Variants in UHRF2 observed in about 807,000 individuals in gnomAD.
UHRF2 encodes ubiquitin like with PHD and ring finger domains 2, also known as E3 ubiquitin-protein ligase UHRF2.
UHRF2 carries 23 observed loss-of-function variants against 96.8 expected under a neutral mutation model. That is an observed-to-expected ratio of 0.24 (90% CI 0.17 to 0.34). The LOEUF (loss-of-function observed/expected upper bound fraction) is 0.34. Ranked by LOEUF, UHRF2 falls within the 10% of genes least tolerant of loss-of-function variation. The probability of loss-of-function intolerance (pLI) is 1.00; values close to 1 mark genes in which losing one functional copy is unlikely to be tolerated. For missense variants in UHRF2, 685 were observed against 981.5 expected (o/e 0.70, Z 4.04); for synonymous variants, 385 against 332.6 (o/e 1.16, Z -1.72).
intron 4 of UHRF2, 88 bp downstream of exon 4, chr9:6,460,879 A>G: frequency 9.6e-7 from 1 of 1,046,116 alleles, no homozygotes; most frequent in Non-Finnish European, 1.3e-6. Flanking sequence ...CCTTAGTAAA[A>G]AAAGATGGAG....
intron 4 of UHRF2, among the ~76,000 whole-genome samples, chr9:6,471,248 C>G (rs1823222686): frequency 6.6e-6 from 1 of 152,192 alleles, no homozygotes; most frequent in African/African-American, 2.4e-5. Context: ...TGGAAAGCTT[C>G]AAGACCTGTG....
rs1819405699 is a variant in UHRF2, at chr9:6,413,438, C to A, written c.-53C>A. On this transcript the variant is annotated 5_prime_UTR_variant, in exon 1 of 16. Transcript: ENST00000276893. The stretch of plus-strand genomic sequence containing the variant: ...GCGGCGCGGGCCGGGCGGGGCGCGG[C>A]GCCCAGAGCTCAGGGGGAGACAAAG... 2.3e-6 allele frequency: 3 copies of A among 1,323,292 alleles called. No individual in the cohort carries two copies. Among genetic ancestry groups the A allele is most frequent in the Non-Finnish European group, 2.0e-6 (2 of 1,024,608 alleles). 82.0% of individuals were successfully genotyped at this position (1,323,292 alleles called of 1,614,324 possible). A position where few individuals can be genotyped will look rare whatever the true frequency, so the allele number is the denominator to read the frequency against.
chr9:6,493,789 G>A, intron 9 of UHRF2, 37 bp from the exon 10 acceptor site: 1 of 1,551,682 alleles, frequency 6.4e-7, no homozygotes, highest in South Asian at 1.2e-5. Context: ...TTATACTTGG[G>A]TTTAGCTTTC....
chr9:6,473,480 A>C lies in UHRF2; in HGVS notation c.864-1911A>C, dbSNP rs555862182. Among the ~76,000 whole-genome samples, 3 of 152,340 alleles carry C rather than the reference A, an allele frequency of 2.0e-5. No homozygotes were observed. The East Asian group carries it at 5.8e-4, about 29-fold the overall frequency. On this transcript the variant is annotated intron_variant, in intron 4 of 15. Transcript: ENST00000276893. ...AAGGAATGATAGAATGGGAATATCA[A>C]CATTTTCTAATCCCCAAAGAATTAA...
intron 2 of UHRF2, among the ~76,000 whole-genome samples, chr9:6,422,095 A>G (rs1402984982): frequency 1.3e-5 from 2 of 152,286 alleles, no homozygotes; most frequent in Non-Finnish European, 2.9e-5. Context: ...AAGAATTTCT[A>G]CCTAGGAATA....
Position 6,421,009 on chromosome 9 carries a change from C to G in UHRF2, c.251C>G (p.Ser84Cys), listed in dbSNP as rs2130721484. Reference sequence around the variant, plus strand: ...GACCCTGATCATCTTCCTGGCACATCTACACAGATTGAGGCTAAACCCTGT... The same window carrying G: ...GACCCTGATCATCTTCCTGGCACATGTACACAGATTGAGGCTAAACCCTGT... ...RPDPDHLPGTSTQIEAKPCSN... is the reference protein window; with the variant it reads ...RPDPDHLPGTCTQIEAKPCSN... The change falls in exon 2 of 16, where the codon TCT becomes TGT. Residue 84 changes from serine to cysteine, a missense_variant. By Grantham distance (112) the Ser-to-Cys change is moderately radical. Coordinates refer to ENST00000276893, the MANE Select transcript of UHRF2 (RefSeq NM_152896.3). 1 of 1,614,146 alleles carries G rather than the reference C, an allele frequency of 6.2e-7. No homozygotes were observed. Among genetic ancestry groups the G allele is most frequent in the Non-Finnish European group, 8.5e-7 (1 of 1,179,996 alleles).
chr9:6,477,717 A>C lies in UHRF2; in HGVS notation c.1069A>C (p.Asn357His). The change falls in exon 6 of 16, where the codon AAC becomes CAC. Residue 357 changes from asparagine (N) to histidine (H), a missense_variant. Coordinates refer to ENST00000276893, the MANE Select transcript of UHRF2 (RefSeq NM_152896.3). ...TGTATGTGGTGGGAAACATGAACCC[A>C]ACATGCAGCTTCTGTGTGATGAATG... ...CRVCGGKHEPNMQLLCDECNV... is the reference protein window; with the variant it reads ...CRVCGGKHEPHMQLLCDECNV... 1 of 1,614,144 alleles carries C rather than the reference A, an allele frequency of 6.2e-7. No individual in the cohort carries two copies. The highest frequency in any genetic ancestry group is 8.5e-7 in the Non-Finnish European group (1 of 1,179,992).
intron 3 of UHRF2, among the ~76,000 whole-genome samples, chr9:6,453,704 A>T (rs1167695621): frequency 6.6e-6 from 1 of 152,136 alleles, no homozygotes; most frequent in Non-Finnish European, 1.5e-5. Context: ...GGAGATTGAG[A>T]CCATCCTGGC....
In UHRF2 at chr9:6,482,038, C is replaced by G; in HGVS notation, c.1331C>G (p.Ser444Cys). 6.2e-7 allele frequency: 1 copy of G among 1,613,966 alleles called. No individual in the cohort carries two copies. The stretch of plus-strand genomic sequence containing the variant: ...ACGAGAGAATGTACTATTGTCCCTT[C>G]TAATCATTATGGACCCATTCCTGGT... ...GRTRECTIVP[S>C]NHYGPIPGIP... Residue 444 changes from serine (S) to cysteine (C), a missense_variant, in exon 8 of 16, where the codon TCT becomes TGT. Ser to Cys is a moderately radical substitution (Grantham distance 112). Coordinates refer to ENST00000276893, the MANE Select transcript of UHRF2 (RefSeq NM_152896.3).
chr9:6,487,522 G>A lies in UHRF2; in HGVS notation c.1497+597G>A, dbSNP rs150678664. 4.4e-3 allele frequency among the ~76,000 whole-genome samples: 663 copies of A among 152,214 alleles called. 23 individuals carry two copies. The highest frequency in any genetic ancestry group is 1.3e-3 in the Non-Finnish European group (87 of 68,010). ...GCTGGGATTACAAGTATGCACCACT[G>A]TGCCTGGCTAATTCTTGTATTTTTA... On this transcript the variant is annotated intron_variant, in intron 9 of 15. Coordinates refer to ENST00000276893, the MANE Select transcript of UHRF2 (RefSeq NM_152896.3).
At chr9:6,457,326 A>G (rs969517592) in intron 3 of UHRF2, among the ~76,000 whole-genome samples, 1 of 152,152 alleles carries the variant, frequency 6.6e-6, no homozygotes, top group African/African-American at 2.4e-5. Context: ...ATTGGTGTAT[A>G]AGAATGCTTG....
intron 1 of UHRF2, 138 bp downstream of exon 1, chr9:6,413,781 A>C: frequency 1.8e-6 from 2 of 1,141,354 alleles, no homozygotes; most frequent in Non-Finnish European, 2.3e-6. Flanking sequence ...AGCCCCCGCG[A>C]GGCGCGGGGT....
At chr9:6,493,110 C>T (rs1230112656) in intron 9 of UHRF2, among the ~76,000 whole-genome samples, 1 of 151,918 alleles carries the variant, frequency 6.6e-6, no homozygotes, top group Non-Finnish European at 1.5e-5. Flanking sequence ...CCAACATGGC[C>T]AACATGACAA....
At chr9:6,493,260 C>T (rs913724694) in intron 9 of UHRF2, among the ~76,000 whole-genome samples, 4 of 151,778 alleles carry the variant, frequency 2.6e-5, no homozygotes, top group East Asian at 1.9e-4. Flanking sequence ...ATCGTGCCAC[C>T]GCACTCCAGC....
intron 3 of UHRF2, among the ~76,000 whole-genome samples, chr9:6,436,578 T>A (rs1331774769): frequency 1.3e-5 from 2 of 152,196 alleles, no homozygotes; most frequent in Admixed American, 1.3e-4. Flanking sequence ...GCAAATAATA[T>A]TATGCAGAAT....
chr9:6,488,317 G>T (rs1175455162), intron 9 of UHRF2, among the ~76,000 whole-genome samples: 1 of 125,114 alleles, frequency 8.0e-6, no homozygotes, highest in African/African-American at 2.9e-5. Flanking sequence ...ATGCGGGAAG[G>T]GGATCCTGTG....
intron 4 of UHRF2, among the ~76,000 whole-genome samples, chr9:6,463,019 C>T (rs1033683538): frequency 1.1e-4 from 17 of 151,218 alleles, no homozygotes; most frequent in South Asian, 1.0e-3. Flanking sequence ...CCGTGGCTCA[C>T]GCCTGTAATC....
intron 13 of UHRF2, 109 bp from the exon 14 acceptor site, chr9:6,500,443 G>A: frequency 1.1e-6 from 1 of 945,288 alleles, no homozygotes; most frequent in Non-Finnish European, 1.5e-6. Flanking sequence ...GCTGTTTTAT[G>A]TTGGTTATCT....
chr9:6,420,379 C>G lies in UHRF2; in HGVS notation c.154-533C>G, dbSNP rs1299976193. Among the ~76,000 whole-genome samples, 3 of 149,208 alleles carry G rather than the reference C, an allele frequency of 2.0e-5. No homozygotes were observed. In the East Asian group the frequency reaches 6.2e-4, roughly 31 times the overall value. On this transcript the variant is annotated intron_variant, in intron 1 of 15. Transcript: ENST00000276893. ...CCATTTTTTTTGTTTTAATGGCTAG[C>G]AGTGTTCTCTGTAGTGAATATGGAG... is the stretch of plus-strand genomic sequence containing the variant.
Sources: gnomAD v4.1 joint callset for allele counts (sites outside exome capture counted in the v4.1 genomes callset) on GRCh38, gnomAD v4.1.1 for gene constraint, MANE v1.5 for transcripts, NCBI Gene and HGNC (gene_info 2026-07-23, HGNC 2026-07-21) for gene names.